SUGCT: variants seen among roughly 807,000 people sequenced by gnomAD.
SUGCT encodes succinyl-CoA:glutarate CoA-transferase.
SUGCT carries 41 observed loss-of-function variants against 55.0 expected under a neutral mutation model. That is an observed-to-expected ratio of 0.74 (90% confidence interval 0.58 to 0.97). The LOEUF (loss-of-function observed/expected upper bound fraction) is 0.97, where lower values mean the gene tolerates loss of function less well. Ranked by LOEUF, SUGCT falls within the 50% of genes least tolerant of loss-of-function variation. The pLI, the probability that SUGCT is intolerant of heterozygous loss-of-function variation, is 0.00. For synonymous variants in SUGCT, 187 were observed against 200.4 expected, an observed-to-expected ratio of 0.93 and a Z score of 0.56; for missense variants, 568 against 547.8, an observed-to-expected ratio of 1.04 and a Z score of -0.37.
chr7:40,509,231 C>A (rs533389859), intron 12 of SUGCT, among the ~76,000 whole-genome samples: 1 of 152,114 alleles, frequency 6.6e-6, no homozygotes, highest in Non-Finnish European at 1.5e-5. Flanking sequence ...TCAAGTTTTT[C>A]TCTCATGATC....
chr7:40,423,345 A>G (rs1228831790), intron 9 of SUGCT, among the ~76,000 whole-genome samples: 1 of 152,160 alleles, frequency 6.6e-6, no homozygotes, highest in Non-Finnish European at 1.5e-5. Context: ...AAGAAAGTAC[A>G]TGTCAAACTG....
intron 7 of SUGCT, among the ~76,000 whole-genome samples, chr7:40,273,927 T>C (rs1792281489): frequency 6.6e-6 from 1 of 152,208 alleles, no homozygotes; most frequent in Admixed American, 6.5e-5. Flanking sequence ...TCAGTTTGTT[T>C]ATCATAGTAA....
intron 12 of SUGCT, among the ~76,000 whole-genome samples, chr7:40,681,729 G>C (rs938514584): frequency 2.6e-5 from 4 of 152,166 alleles, no homozygotes; most frequent in Non-Finnish European, 5.9e-5. Context: ...TCTTGAAGTA[G>C]GGGACCCACA....
At chr7:40,557,853 T>G (rs1424362215) in intron 12 of SUGCT, among the ~76,000 whole-genome samples, 2 of 151,362 alleles carry the variant, frequency 1.3e-5, no homozygotes, top group Non-Finnish European at 2.9e-5. Context: ...TATTTGTAAA[T>G]TACACATCTG....
chr7:40,904,275 C>CTA, the SUGCT span, among the ~76,000 whole-genome samples: 1 of 152,280 alleles, frequency 6.6e-6, no homozygotes, highest in Non-Finnish European at 1.5e-5. Flanking sequence ...TAGGATTCAT[C>CTA]TAAATAGGGC....
chr7:40,966,193 A>T, the SUGCT span: 1 of 152,250 alleles, frequency 6.6e-6, no homozygotes, highest in African/African-American at 2.4e-5. Flanking sequence ...CAGAAATTTT[A>T]CAGGTGGTAA....
chr7:40,835,890 CTTTT>C (rs1011199588), intron 13 of SUGCT, among the ~76,000 whole-genome samples: 1 of 136,080 alleles, frequency 7.3e-6, no homozygotes. Context: ...TCTTTTTTTT[CTTTT>C]TTTTTTTTTT....
At chr7:40,902,615 C>G in the SUGCT span, among the ~76,000 whole-genome samples, 1 of 149,844 alleles carries the variant, frequency 6.7e-6, no homozygotes, top group Non-Finnish European at 1.5e-5. Flanking sequence ...ACCAAAACCA[C>G]AAAGAATTAA....
At chr7:41,003,241 C>T in the SUGCT span, among the ~76,000 whole-genome samples, 9 of 152,056 alleles carry the variant, frequency 5.9e-5, no homozygotes, top group Non-Finnish European at 1.3e-4. Context: ...CACTAGGTGG[C>T]GCCACCAAAG....
the SUGCT span, among the ~76,000 whole-genome samples, chr7:40,871,562 A>C: frequency 1.3e-5 from 2 of 152,180 alleles, no homozygotes; most frequent in Admixed American, 1.3e-4. Context: ...GTTTTAATCC[A>C]CTAAATTTTA....
rs181815141 is a variant in SUGCT at position 40,183,531 on chromosome 7, G to A, written c.226+1503G>A. Among the ~76,000 whole-genome samples the A allele has an allele frequency of 3.3e-5, 5 of 152,144 alleles. No individual in the cohort carries two copies. The East Asian group carries it at 5.8e-4, about 18-fold the overall frequency. On this transcript the variant is annotated intron_variant, in intron 3 of 13. Coordinates refer to ENST00000335693, the MANE Select transcript of SUGCT (RefSeq NM_001193313.2). ...TAATAATAAAAATTTTTTTGTGTGT[G>A]TAGAGACAGGGTCTTGCTATGTTGC...
chr7:40,412,043 C>T (rs1243530300), intron 9 of SUGCT, among the ~76,000 whole-genome samples: 3 of 152,316 alleles, frequency 2.0e-5, no homozygotes, highest in East Asian at 1.9e-4. Context: ...CCTGTTTAAG[C>T]ACTCAAATGT....
chr7:40,328,765 GTGTGTA>G (rs1038536132), intron 9 of SUGCT, among the ~76,000 whole-genome samples: 5 of 152,056 alleles, frequency 3.3e-5, no homozygotes, highest in Non-Finnish European at 7.4e-5. Context: ...GTGTGTATGT[GTGTGTA>G]TGTGTATGTG....
chr7:40,415,821 G>A (rs921862116), intron 9 of SUGCT, among the ~76,000 whole-genome samples: 5 of 151,988 alleles, frequency 3.3e-5, no homozygotes, highest in Non-Finnish European at 5.9e-5. Flanking sequence ...ACTACTGGAC[G>A]CTATTGCAAC....
chr7:40,975,264 C>T, the SUGCT span, among the ~76,000 whole-genome samples: 6 of 152,134 alleles, frequency 3.9e-5, no homozygotes, highest in South Asian at 4.1e-4. Flanking sequence ...GGTTTGGAAG[C>T]GGAAATCTCA....
the SUGCT span, among the ~76,000 whole-genome samples, chr7:40,895,257 A>T: frequency 6.6e-6 from 1 of 152,220 alleles, no homozygotes; most frequent in Non-Finnish European, 1.5e-5. Flanking sequence ...TAGGAGCTCA[A>T]CAATAAGAGC....
intron 9 of SUGCT, among the ~76,000 whole-genome samples, chr7:40,418,963 CTTCTT>C (rs1787156240): frequency 6.6e-6 from 1 of 152,212 alleles, no homozygotes; most frequent in African/African-American, 2.4e-5. Flanking sequence ...ATGATGCATT[CTTCTT>C]TTCTTTACTC....
At chr7:40,952,410 T>C in the SUGCT span, among the ~76,000 whole-genome samples, 1 of 152,222 alleles carries the variant, frequency 6.6e-6, no homozygotes, top group African/African-American at 2.4e-5. Context: ...TTTATCCAAT[T>C]TGCCAGTCTG....
intron 1 of SUGCT, among the ~76,000 whole-genome samples, chr7:40,135,726 G>T (rs1374723925): frequency 2.0e-5 from 3 of 151,708 alleles, no homozygotes; most frequent in African/African-American, 7.3e-5. Context: ...GCGCGATCTC[G>T]GCTCACTGCA....
Sources: gnomAD v4.1 joint callset for allele counts (sites outside exome capture counted in the v4.1 genomes callset) on GRCh38, gnomAD v4.1.1 for gene constraint, MANE v1.5 for transcripts, NCBI Gene and HGNC (gene_info 2026-07-23, HGNC 2026-07-21) for gene names.